ZSCAN4: variants seen among roughly 807,000 people sequenced by gnomAD.
The protein encoded by ZSCAN4 is zinc finger and SCAN domain containing 4.
ZSCAN4 carries 18 observed loss-of-function variants against 18.3 expected under a neutral mutation model. The ratio of observed to expected loss-of-function variants is 0.98; its 90% CI spans 0.68 to 1.46. The LOEUF is 1.46. ZSCAN4 is among the 40% of genes most tolerant of loss of function. ZSCAN4 has a pLI of 0.00. For missense variants in ZSCAN4, 498 were observed against 511.4 expected (o/e 0.97, Z 0.25); for synonymous variants, 193 against 180.3 (o/e 1.07, Z -0.57).
chr19:57,678,750 C>G, exon 5 of ZSCAN4: 1 of 1,614,104 alleles, frequency 6.2e-7, no homozygotes, highest in Non-Finnish European at 8.5e-7. Context: ...CAAAACCAAC[C>G]TGCGGTCTCA....
At chr19:57,674,645 CTTTT>C (rs922385557) in intron 2 of ZSCAN4, among the ~76,000 whole-genome samples, 1 of 152,036 alleles carries the variant, frequency 6.6e-6, no homozygotes, top group Non-Finnish European at 1.5e-5. Flanking sequence ...GTGCAGGTGT[CTTTT>C]TTTATATAAT....
exon 3 of ZSCAN4, chr19:57,676,519 A>G (rs1367051125): frequency 1.9e-6 from 3 of 1,613,768 alleles, no homozygotes; most frequent in Non-Finnish European, 2.5e-6. Flanking sequence ...CTGACTGATG[A>G]CAGCATAAAT....
chr19:57,663,419 C>T, the ZSCAN4 span, among the ~76,000 whole-genome samples: 1 of 149,236 alleles, frequency 6.7e-6, no homozygotes, highest in African/African-American at 2.5e-5. Flanking sequence ...GGGCGAGTGG[C>T]TCACGCCTGT....
intron 2 of ZSCAN4, among the ~76,000 whole-genome samples, chr19:57,672,913 A>T (rs1984064233): frequency 6.6e-6 from 1 of 152,044 alleles, no homozygotes; most frequent in African/African-American, 2.4e-5. Context: ...TATCATGAGA[A>T]CACTGAAAAT....
chr19:57,658,636 C>T, the ZSCAN4 span, among the ~76,000 whole-genome samples: 11 of 151,944 alleles, frequency 7.2e-5, no homozygotes, highest in African/African-American at 2.4e-4. Context: ...GAGTTCAAGA[C>T]TAGCTTGGCC....
At chr19:57,670,343 A>G (rs1049431965) in exon 2 of ZSCAN4, 1 of 151,880 alleles carries the variant, frequency 6.6e-6, no homozygotes, top group Non-Finnish European at 1.5e-5. Context: ...TTATCCAATC[A>G]CGTCTTTAAA....
At chr19:57,677,855 A>G in intron 3 of ZSCAN4, 59 bp from the exon 4 acceptor site, 1 of 1,467,862 alleles carries the variant, frequency 6.8e-7, no homozygotes, top group South Asian at 1.6e-5. Context: ...CCACTTTTCC[A>G]AAAAGTCTTC....
chr19:57,670,064 G>A (rs146393159), intron 1 of ZSCAN4, among the ~76,000 whole-genome samples, 181 bp from the exon 2 acceptor site: 3,780 of 151,804 alleles, frequency 0.025, 171 homozygotes, highest in African/African-American at 0.087. Context: ...CACCATGCCC[G>A]GCTAATTTTT....
chr19:57,669,862 A>C lies in ZSCAN4; in HGVS notation c.-428-383A>C, dbSNP rs565687335. 1.5e-4 allele frequency among the ~76,000 whole-genome samples: 23 copies of C among 152,152 alleles called. No individual in the cohort carries two copies. The East Asian group carries it at 4.3e-3, about 28-fold the overall frequency. On this transcript the variant is annotated intron_variant, in intron 1 of 4. Coordinates refer to ENST00000318203, the Ensembl canonical transcript of ZSCAN4. ...ACAGACATGCCACCATGCCTGGCTA[A>C]CATTTTTAACATTATTTTTGGTAGA... is the stretch of plus-strand genomic sequence containing the variant.
intron 2 of ZSCAN4, among the ~76,000 whole-genome samples, chr19:57,673,780 G>C (rs1007142000): frequency 2.0e-5 from 3 of 152,056 alleles, no homozygotes; most frequent in African/African-American, 7.2e-5. Context: ...TATTGAGACA[G>C]AGTTTCTGTG....
the ZSCAN4 span, among the ~76,000 whole-genome samples, chr19:57,657,421 T>C: frequency 6.6e-6 from 1 of 152,024 alleles, no homozygotes; most frequent in African/African-American, 2.4e-5. Context: ...AAAACCACAA[T>C]GAGATACCAC....
Position 57,676,275 on chromosome 19 carries a change from A to T in ZSCAN4, c.130A>T (p.Arg44Ter). 6.2e-7 allele frequency: 1 copy of T among 1,614,210 alleles called. No homozygotes were observed. The highest frequency in any genetic ancestry group is 8.5e-7 in the Non-Finnish European group (1 of 1,180,038). The change falls in exon 3 of 5, where the codon AGA (arginine) becomes TGA (stop). Residue 44 changes from arginine to a stop codon, truncating the protein, a stop_gained. Coordinates refer to ENST00000318203, the Ensembl canonical transcript of ZSCAN4. LOFTEE classifies it high-confidence loss of function. ...AGAAGAAGGGATTTCTGAGTTCTCA[A>T]GAATGGTGCTCAATTCATTTCAAGA...
intron 2 of ZSCAN4, among the ~76,000 whole-genome samples, chr19:57,674,171 G>A (rs1316752319): frequency 6.6e-6 from 1 of 152,206 alleles, no homozygotes; most frequent in African/African-American, 2.4e-5. Context: ...AATATTTGGT[G>A]AATATTTTAT....
chr19:57,666,140 T>A (rs1040504534), upstream of ZSCAN4, among the ~76,000 whole-genome samples: 1 of 152,208 alleles, frequency 6.6e-6, no homozygotes, highest in Non-Finnish European at 1.5e-5. Context: ...CAGATCCTTA[T>A]GAAGCAGCCG....
intron 2 of ZSCAN4, among the ~76,000 whole-genome samples, chr19:57,672,965 C>T (rs965887631): frequency 6.6e-6 from 1 of 152,100 alleles, no homozygotes; most frequent in Non-Finnish European, 1.5e-5. Flanking sequence ...GCTATAGCCA[C>T]CATGCCGTAC....
intron 1 of ZSCAN4, 128 bp from the exon 2 acceptor site, chr19:57,670,117 G>C (rs1227941729): frequency 1.3e-5 from 2 of 152,204 alleles, no homozygotes; most frequent in African/African-American, 2.4e-5. Context: ...TGGCCAGGCT[G>C]GTCTTGAACT....
chr19:57,657,590 A>C, the ZSCAN4 span, among the ~76,000 whole-genome samples: 1 of 152,204 alleles, frequency 6.6e-6, no homozygotes, highest in Admixed American at 6.5e-5. Flanking sequence ...TCCACTTATC[A>C]TTTGATAAAT....
At chr19:57,668,709 A>C (rs1345948526), upstream of ZSCAN4, among the ~76,000 whole-genome samples, 1 of 152,180 alleles carries the variant, frequency 6.6e-6, no homozygotes, top group Non-Finnish European at 1.5e-5. Context: ...TCACCATTTT[A>C]ACTCCTCCAT....
At chr19:57,669,980 C>G (rs2360529) in intron 1 of ZSCAN4, among the ~76,000 whole-genome samples, 81,150 of 151,914 alleles carry the variant, frequency 0.53, 21,969 homozygotes, top group Middle Eastern at 0.6. Flanking sequence ...TTGGCTCACT[C>G]TAGCCTCTGC....
Sources: allele counts gnomAD v4.1 joint callset (sites outside exome capture counted in the v4.1 genomes callset), GRCh38; gene constraint gnomAD v4.1.1; transcripts MANE v1.5; gene names NCBI Gene and HGNC (gene_info 2026-07-23, HGNC 2026-07-21).